The following RPS9 variants were observed in gnomAD, a reference collection of about 807,000 sequenced individuals.
RPS9 encodes the protein ribosomal protein S9, also known as small ribosomal subunit protein uS4.
RPS9 carries 1 observed loss-of-function variant against 16.9 expected under a neutral mutation model. The ratio of observed to expected loss-of-function variants is 0.06; its 90% confidence interval spans 0.02 to 0.28. RPS9 has a LOEUF of 0.28. RPS9 is among the 10% of genes least tolerant of loss of function. RPS9 has a pLI of 1.00. For synonymous variants in RPS9, 106 were observed against 110.9 expected (o/e 0.96, Z 0.28); for missense variants, 137 against 273.2 (o/e 0.50, Z 3.51).
intron 3 of RPS9, chr19:54,203,236 G>A: frequency 1.0e-6 from 1 of 981,526 alleles, no homozygotes; most frequent in South Asian, 4.7e-5. Context: ...GGTTTTCCAA[G>A]GCAGAAGTGA....
intron 4 of RPS9, 68 bp from the exon 5 acceptor site, chr19:54,207,330 A>T: frequency 7.3e-7 from 1 of 1,375,230 alleles, no homozygotes; most frequent in Non-Finnish European, 1.0e-6. Flanking sequence ...GAGAGGAAAG[A>T]GTGGTGCGGT....
intron 2 of RPS9, 96 bp downstream of exon 2, chr19:54,201,377 A>G (rs2077045188): frequency 1.2e-6 from 2 of 1,607,178 alleles, no homozygotes; most frequent in Non-Finnish European, 1.7e-6. Context: ...TCCGTCCCCT[A>G]AATTTGGTAC....
intron 3 of RPS9, among the ~76,000 whole-genome samples, chr19:54,205,700 T>G (rs2077217387): frequency 6.6e-6 from 1 of 152,192 alleles, no homozygotes; most frequent in African/African-American, 2.4e-5. Flanking sequence ...TTACTCTTGC[T>G]AAGAATGTGG....
In RPS9 at chr19:54,201,253, T is replaced by G. The variant is rs1188136798; in HGVS notation, c.69T>G (p.Ser23=). ...YVTPRRPFEK[S]RLDQELKLIG... ...CCCCGCGGAGACCCTTCGAGAAATC[T>G]CGTCTCGACCAAGAGCTGAAGCTGA... The change falls in exon 2 of 5, where the codon TCT becomes TCG. Residue 23 remains serine, a synonymous_variant. Coordinates refer to ENST00000302907, the MANE Select transcript of RPS9 (RefSeq NM_001013.4). The G allele has an allele frequency of 1.2e-6, 2 of 1,612,934 alleles. No individual in the cohort carries two copies. Among genetic ancestry groups the G allele is most frequent in the Non-Finnish European group, 1.7e-6 (2 of 1,179,250 alleles).
At chr19:54,200,917 A>C (rs3810230) in intron 1 of RPS9, 29 bp downstream of exon 1, 4 of 1,283,702 alleles carry the variant, frequency 3.1e-6, no homozygotes, top group Admixed American at 3.8e-5. Flanking sequence ...CTTTTTCTCT[A>C]GGGTTTGGGT....
rs3810232 is a variant in RPS9, at chr19:54,200,892, A to C, written c.-26+4A>C. The stretch of plus-strand genomic sequence containing the variant: ...AGTGACCGGGTGGTTTGCTTAGGTG[A>C]GGTGCGGTGGTGTGCTTTTTCTCTA... On this transcript the variant is annotated splice_donor_region_variant and intron_variant, in intron 1 of 4. Coordinates refer to ENST00000302907, the MANE Select transcript of RPS9 (RefSeq NM_001013.4). 432,295 of 1,156,262 alleles carry C rather than the reference A, an allele frequency of 0.37. 84,402 individuals carry two copies. The highest frequency in any genetic ancestry group is 0.41 in the East Asian group (7,226 of 17,640). 71.6% of individuals were successfully genotyped at this position (1,156,262 alleles called of 1,614,324 possible). A position where few individuals can be genotyped will look rare whatever the true frequency, so the allele number is the denominator to read the frequency against.
intron 3 of RPS9, chr19:54,201,895 T>A (rs1484539094): frequency 1.3e-5 from 6 of 474,376 alleles, no homozygotes; most frequent in Non-Finnish European, 2.2e-5. Context: ...TATCTTTATA[T>A]TCTGTTTATG....
At position 54,206,336 on chromosome 19, in the gene RPS9, T is replaced by A. The variant is rs1484895413; in HGVS notation, c.281T>A (p.Leu94Gln). The change falls in exon 4 of 5, where the codon CTG becomes CAG. Residue 94 changes from leucine to glutamine, a missense_variant. Leu to Gln is a moderately radical substitution (Grantham distance 113). Transcript: ENST00000302907. ...IGVLDEGKMK[L>Q]DYILGLKIED... The stretch of plus-strand genomic sequence containing the variant: ...GTGCTGGATGAGGGCAAGATGAAGC[T>A]GGATTACATCCTGGGCCTGAAGATA... 6.2e-7 allele frequency: 1 copy of A among 1,614,170 alleles called. No individual in the cohort carries two copies. The highest frequency in any genetic ancestry group is 2.2e-5 in the East Asian group (1 of 44,876).
chr19:54,204,244 C>T (rs1157135151), intron 3 of RPS9, among the ~76,000 whole-genome samples: 2 of 152,002 alleles, frequency 1.3e-5, no homozygotes, highest in East Asian at 3.9e-4. Flanking sequence ...ATTAGCGGGG[C>T]GTGGTGGCGC....
At chr19:54,205,121 T>C (rs2077195464) in intron 3 of RPS9, among the ~76,000 whole-genome samples, 5 of 152,086 alleles carry the variant, frequency 3.3e-5, no homozygotes. Context: ...CCACTTTTTA[T>C]AAAAGTGCAC....
chr19:54,201,131 C>A (rs1419364779), intron 1 of RPS9, 29 bp from the exon 2 acceptor site: 9 of 1,611,714 alleles, frequency 5.6e-6, no homozygotes, highest in Admixed American at 1.7e-5. Flanking sequence ...CGTTTGGATC[C>A]CTTACGCTCA....
intron 4 of RPS9, chr19:54,206,847 T>C (rs1038886576): frequency 9.8e-6 from 8 of 814,394 alleles, no homozygotes; most frequent in Non-Finnish European, 3.7e-6. Context: ...ATGACTGCGT[T>C]CTGGGTACTC....
At chr19:54,202,588 C>T in intron 3 of RPS9, 1 of 984,800 alleles carries the variant, frequency 1.0e-6, no homozygotes, top group Non-Finnish European at 1.2e-6. Flanking sequence ...GAAAATGTAC[C>T]ATCTTAACCA....
At chr19:54,203,604 C>T (rs1299798163) in intron 3 of RPS9, among the ~76,000 whole-genome samples, 1 of 152,136 alleles carries the variant, frequency 6.6e-6, no homozygotes. Context: ...GAAATTCCAT[C>T]TCTACGAAAA....
rs1600768957 is a variant in RPS9 at position 54,206,329 on chromosome 19, A to T, written c.274A>T (p.Met92Leu). Residue 92 changes from methionine (M) to leucine (L), a missense_variant, in exon 4 of 5, where the codon ATG (methionine) becomes TTG (leucine). By Grantham distance (15) the Met-to-Leu change is conservative. Coordinates refer to ENST00000302907, the MANE Select transcript of RPS9 (RefSeq NM_001013.4). The part of the protein sequence containing the change: ...VRIGVLDEGK[M>L]KLDYILGLKI... ...CATTGGGGTGCTGGATGAGGGCAAG[A>T]TGAAGCTGGATTACATCCTGGGCCT... The T allele has an allele frequency of 6.2e-7, 1 of 1,614,114 alleles. No homozygotes were observed. Among genetic ancestry groups the T allele is most frequent in the Non-Finnish European group, 8.5e-7 (1 of 1,180,038 alleles).
At chr19:54,207,241 G>A (rs372755323) in intron 4 of RPS9, 157 bp from the exon 5 acceptor site, 2 of 608,670 alleles carry the variant, frequency 3.3e-6, no homozygotes. Context: ...TAAAACCCCG[G>A]AGGGCGCACG....
Position 54,206,715 on chromosome 19 carries a change from A to C in RPS9, c.407+253A>C, listed in dbSNP as rs79770084. The C allele has an allele frequency of 6.3e-3, 9,521 of 1,501,448 alleles. 147 individuals are homozygous for C. Among genetic ancestry groups the C allele is most frequent in the African/African-American group, 0.049 (3,521 of 72,396 alleles). The allele number at this position is 1,501,448 out of a possible 1,614,324, so 93.0% of individuals were successfully genotyped here. ...GAAGGCCTCTGCCAGGCATGTGGGCAGCTGGACAGGTAACAGCTCTTGGTG... is the reference window on the plus strand; with the variant it reads ...GAAGGCCTCTGCCAGGCATGTGGGCCGCTGGACAGGTAACAGCTCTTGGTG... On this transcript the variant is annotated intron_variant, in intron 4 of 4. Coordinates refer to ENST00000302907, the MANE Select transcript of RPS9 (RefSeq NM_001013.4).
rs4838 is a variant in RPS9, at chr19:54,207,461, C to T, written c.471C>T (p.Ile157=). ...TCCGCCTGGATTCCCAGAAGCACAT[C>T]GACTTCTCTCTGCGCTCTCCCTACG... is the stretch of plus-strand genomic sequence containing the variant. The part of the protein sequence containing the change: ...FIVRLDSQKH[I]DFSLRSPYGG... The change falls in exon 5 of 5, where the codon ATC becomes ATT. Residue 157 remains isoleucine, a synonymous_variant. Coordinates refer to ENST00000302907, the MANE Select transcript of RPS9 (RefSeq NM_001013.4). 74,443 of 1,613,614 alleles carry T rather than the reference C, an allele frequency of 0.046. 4,463 individuals are homozygous for T. Among genetic ancestry groups the T allele is most frequent in the South Asian group, 0.26 (23,555 of 91,018 alleles).
At chr19:54,203,933 T>C (rs2077151817) in intron 3 of RPS9, among the ~76,000 whole-genome samples, 1 of 152,228 alleles carries the variant, frequency 6.6e-6, no homozygotes, top group Non-Finnish European at 1.5e-5. Context: ...CATTTTAAAT[T>C]CTCTTGGTGC....
Sources: gnomAD v4.1 joint callset for allele counts (sites outside exome capture counted in the v4.1 genomes callset) on GRCh38, gnomAD v4.1.1 for gene constraint, MANE v1.5 for transcripts, NCBI Gene and HGNC (gene_info 2026-07-23, HGNC 2026-07-21) for gene names.